Variants in DLG2 observed in about 807,000 individuals in gnomAD.
DLG2 encodes discs large MAGUK scaffold protein 2, also known as disks large homolog 2.
DLG2 carries 45 observed loss-of-function variants against 132.5 expected under a neutral mutation model. The observed-to-expected ratio is 0.34, with a 90% CI of 0.27 to 0.44. The LOEUF is 0.44. Among genes scored for constraint, DLG2 ranks in the 20% least tolerant of loss-of-function variants. The pLI, the probability that DLG2 is intolerant of heterozygous loss-of-function variation, is 1.00. For synonymous variants in DLG2, 424 were observed against 419.6 expected (o/e 1.01, Z -0.13); for missense variants, 1,045 against 1,196.9 (o/e 0.87, Z 1.87).
intron 4 of DLG2, among the ~76,000 whole-genome samples, chr11:85,187,501 GA>G (rs1269954895): frequency 2.6e-5 from 4 of 151,072 alleles, no homozygotes; most frequent in African/African-American, 7.3e-5. Context: ...TATCGAATTA[GA>G]AAAAAAAGGA....
At chr11:83,879,695 C>A (rs1442485064) in intron 15 of DLG2, among the ~76,000 whole-genome samples, 1 of 152,088 alleles carries the variant, frequency 6.6e-6, no homozygotes, top group African/African-American at 2.4e-5. Flanking sequence ...GTGTCTTGTA[C>A]AATTACTTAT....
chr11:85,340,535 T>C (rs936352718), intron 3 of DLG2, among the ~76,000 whole-genome samples: 3 of 152,178 alleles, frequency 2.0e-5, no homozygotes, highest in Non-Finnish European at 4.4e-5. Context: ...AAATACCTAA[T>C]GTAAATGATG....
intron 21 of DLG2, among the ~76,000 whole-genome samples, chr11:83,507,758 TTATATATATATATATA>T (rs59086507): frequency 0.029 from 2,920 of 99,862 alleles, 86 homozygotes; most frequent in East Asian, 0.087. Flanking sequence ...TATATTTTTA[TTATATATATATATATA>T]TATATATATA....
intron 4 of DLG2, among the ~76,000 whole-genome samples, chr11:85,197,697 G>T (rs1264814043): frequency 6.6e-6 from 1 of 152,110 alleles, no homozygotes; most frequent in African/African-American, 2.4e-5. Context: ...CATACCACAA[G>T]TCCTTTATTT....
intron 3 of DLG2, among the ~76,000 whole-genome samples, chr11:85,371,608 A>T (rs558263995): frequency 6.6e-6 from 1 of 152,270 alleles, no homozygotes; most frequent in South Asian, 2.1e-4. Context: ...GAGCCAATAA[A>T]AGCCCCATGG....
intron 6 of DLG2, among the ~76,000 whole-genome samples, chr11:84,916,538 G>A (rs962450969): frequency 6.6e-6 from 1 of 151,956 alleles, no homozygotes. Context: ...ATACAGAATT[G>A]AACAACTTGT....
At chr11:84,707,767 G>A in intron 6 of DLG2, among the ~76,000 whole-genome samples, 1 of 151,900 alleles carries the variant, frequency 6.6e-6, no homozygotes, top group Admixed American at 6.6e-5. Context: ...TGTATACTCT[G>A]GCTTTCAAGA....
intron 6 of DLG2, among the ~76,000 whole-genome samples, chr11:84,984,553 C>G (rs996344096): frequency 3.4e-5 from 5 of 145,220 alleles, no homozygotes; most frequent in Non-Finnish European, 7.5e-5. Flanking sequence ...CTCACAGGAC[C>G]AATAAAACAA....
At chr11:83,556,571 C>T (rs1490792686) in intron 19 of DLG2, among the ~76,000 whole-genome samples, 2 of 151,950 alleles carry the variant, frequency 1.3e-5, no homozygotes, top group Admixed American at 6.6e-5. Flanking sequence ...GCAGTTTTGC[C>T]ATGTTGCCCA....
At chr11:85,000,042 T>C (rs1435102806) in intron 6 of DLG2, among the ~76,000 whole-genome samples, 1 of 152,090 alleles carries the variant, frequency 6.6e-6, no homozygotes, top group Non-Finnish European at 1.5e-5. Flanking sequence ...TAACTGAGCA[T>C]TATGTCTCTT....
chr11:83,893,539 G>A (rs2070652525), intron 15 of DLG2, among the ~76,000 whole-genome samples: 2 of 152,270 alleles, frequency 1.3e-5, no homozygotes, highest in Admixed American at 6.5e-5. Flanking sequence ...TCAGATCCCT[G>A]AGATGCCTTC....
At chr11:84,307,903 A>T (rs1384568196) in intron 7 of DLG2, among the ~76,000 whole-genome samples, 3 of 151,594 alleles carry the variant, frequency 2.0e-5, no homozygotes, top group Non-Finnish European at 4.4e-5. Context: ...GCGCGTCTGG[A>T]GTTGTTCGTT....
chr11:83,666,531 TC>T (rs756894003), intron 18 of DLG2, among the ~76,000 whole-genome samples: 40 of 152,154 alleles, frequency 2.6e-4, no homozygotes, highest in Non-Finnish European at 5.4e-4. Flanking sequence ...AATAGTTTAA[TC>T]CCAAAACCAT....
chr11:84,642,376 T>G (rs1014273258), intron 6 of DLG2, among the ~76,000 whole-genome samples: 1 of 152,002 alleles, frequency 6.6e-6, no homozygotes, highest in South Asian at 2.1e-4. Context: ...AGGAATAAAT[T>G]TGTATGGAGT....
intron 18 of DLG2, among the ~76,000 whole-genome samples, chr11:83,688,268 T>A (rs539697998): frequency 6.6e-6 from 1 of 152,218 alleles, no homozygotes; most frequent in African/African-American, 2.4e-5. Flanking sequence ...GATTTCCTAG[T>A]TTTCAGTAAA....
At chr11:85,476,043 G>T (rs1455872425) in intron 3 of DLG2, among the ~76,000 whole-genome samples, 1 of 152,024 alleles carries the variant, frequency 6.6e-6, no homozygotes, top group Admixed American at 6.5e-5. Context: ...GGGCAATTTT[G>T]CCATTTTGTT....
At chr11:83,788,620 A>C (rs1008518156) in intron 17 of DLG2, among the ~76,000 whole-genome samples, 1 of 152,242 alleles carries the variant, frequency 6.6e-6, no homozygotes, top group African/African-American at 2.4e-5. Flanking sequence ...TGGCCAGAAG[A>C]GACAGGAAAG....
chr11:84,551,024 G>A (rs535888947), intron 6 of DLG2, among the ~76,000 whole-genome samples: 14 of 152,194 alleles, frequency 9.2e-5, no homozygotes, highest in African/African-American at 2.4e-4. Flanking sequence ...GTGCAAATGG[G>A]CTTGATCTAT....
intron 6 of DLG2, among the ~76,000 whole-genome samples, chr11:84,570,898 G>A (rs145076501): frequency 2.6e-3 from 397 of 152,284 alleles, no homozygotes; most frequent in African/African-American, 8.8e-3. Flanking sequence ...TTCAGAGAGC[G>A]AAGTTATCTT....
Sources: allele counts gnomAD v4.1 joint callset (sites outside exome capture counted in the v4.1 genomes callset), GRCh38; gene constraint gnomAD v4.1.1; transcripts MANE v1.5; gene names NCBI Gene and HGNC (gene_info 2026-07-23, HGNC 2026-07-21).